CDYL: variants seen among roughly 807,000 people sequenced by gnomAD.
CDYL encodes chromodomain Y-like protein.
Under a neutral mutation model 47.3 loss-of-function variants are expected in CDYL, and 8 were observed. The observed-to-expected ratio is 0.17, with a 90% CI of 0.10 to 0.31. The LOEUF (loss-of-function observed/expected upper bound fraction) is 0.31, where lower values mean the gene tolerates loss of function less well. Ranked by LOEUF, CDYL falls within the 10% of genes least tolerant of loss-of-function variation. CDYL has a pLI of 1.00. For missense variants in CDYL, 471 were observed against 701.4 expected, an observed-to-expected ratio of 0.67 and a Z score of 3.71; for synonymous variants, 266 against 265.0, an observed-to-expected ratio of 1.00 and a Z score of -0.04.
chr6:4,745,509 G>A lies in CDYL; in HGVS notation c.186+10665G>A, dbSNP rs567678829. 4.6e-5 allele frequency among the ~76,000 whole-genome samples: 7 copies of A among 152,096 alleles called. 1 individual carries two copies. Among genetic ancestry groups the A allele is most frequent in the South Asian group, 4.2e-4 (2 of 4,808 alleles). Reference sequence around the variant, plus strand: ...CTCAGCACTTTGGGAGGCTGAGGTGGGCAGAAAAGATCACTTGAGGTCAGG... The same window carrying A: ...CTCAGCACTTTGGGAGGCTGAGGTGAGCAGAAAAGATCACTTGAGGTCAGG... On this transcript the variant is annotated intron_variant, in intron 3 of 8. Coordinates refer to the CDYL transcript ENST00000328908.
chr6:4,760,493 G>C (rs899623918), intron 3 of CDYL, among the ~76,000 whole-genome samples: 1 of 152,146 alleles, frequency 6.6e-6, no homozygotes, highest in Non-Finnish European at 1.5e-5. Flanking sequence ...AAAGACACTG[G>C]TTCATCATGG....
chr6:4,900,325 A>T (rs1756986103), intron 2 of CDYL, among the ~76,000 whole-genome samples: 1 of 152,198 alleles, frequency 6.6e-6, no homozygotes, highest in Non-Finnish European at 1.5e-5. Flanking sequence ...TTTCAAACTT[A>T]CAAGTTGCAA....
At chr6:4,796,179 T>G (rs1759068292) in intron 1 of CDYL, among the ~76,000 whole-genome samples, 1 of 152,202 alleles carries the variant, frequency 6.6e-6, no homozygotes, top group South Asian at 2.1e-4. Flanking sequence ...GTGATCCGCC[T>G]GCCTCGGCCT....
At chr6:4,833,657 A>G (rs909445664) in intron 1 of CDYL, among the ~76,000 whole-genome samples, 5 of 151,284 alleles carry the variant, frequency 3.3e-5, no homozygotes, top group South Asian at 2.1e-4. Flanking sequence ...TGATCTGTCT[A>G]ATGTTGACAG....
chr6:4,773,111 A>G, upstream of CDYL: 1 of 457,350 alleles, frequency 2.2e-6, no homozygotes, highest in East Asian at 7.0e-5. This position sits in a 1 kb window ranked among gnomAD's most constrained non-coding sequence, Gnocchi z 4.6. Flanking sequence ...GCCATCGATG[A>G]TCAATTGTTT....
rs544561748 is a variant in CDYL at position 4,713,406 on chromosome 6, A to G, written c.-38-2335A>G. ...GTGGGAAATTTCCAGATGCTAAGAG[A>G]AGGCCGCTCTGCTCTTTGTCAGGGC... On this transcript the variant is annotated intron_variant, in intron 1 of 8. Coordinates refer to the CDYL transcript ENST00000328908. 5.9e-5 allele frequency among the ~76,000 whole-genome samples: 9 copies of G among 152,174 alleles called. 1 individual carries two copies. In the South Asian group the frequency reaches 1.9e-3, roughly 32 times the overall value.
intron 2 of CDYL, among the ~76,000 whole-genome samples, chr6:4,729,096 T>C (rs1403743429): frequency 6.6e-6 from 1 of 152,086 alleles, no homozygotes; most frequent in African/African-American, 2.4e-5. Flanking sequence ...CCCAGTGTGG[T>C]AGTCAGGCAC....
chr6:4,775,917 G>A (rs1432409277), upstream of CDYL, among the ~76,000 whole-genome samples: 1 of 150,186 alleles, frequency 6.7e-6, no homozygotes, highest in African/African-American at 2.4e-5. The surrounding 1 kb of genome is among the most constrained non-coding windows in gnomAD (Gnocchi z 7.0). Context: ...GGCCGCTGCC[G>A]TCGGGGCGGT....
At chr6:4,939,284 G>C (rs911625430) in intron 4 of CDYL, among the ~76,000 whole-genome samples, 1 of 151,958 alleles carries the variant, frequency 6.6e-6, no homozygotes, top group Non-Finnish European at 1.5e-5. Flanking sequence ...TGGTGGGTAG[G>C]GGGGCTCTTT....
At chr6:4,858,937 A>G (rs1239801713) in intron 1 of CDYL, among the ~76,000 whole-genome samples, 1 of 152,164 alleles carries the variant, frequency 6.6e-6, no homozygotes, top group East Asian at 1.9e-4. Flanking sequence ...ACACTGGGCC[A>G]ATGTTACCCA....
chr6:4,773,393 C>T (rs996890053), upstream of CDYL, among the ~76,000 whole-genome samples: 1 of 152,078 alleles, frequency 6.6e-6, no homozygotes, highest in South Asian at 2.1e-4. This position sits in a 1 kb window ranked among gnomAD's most constrained non-coding sequence, Gnocchi z 4.6. Context: ...CACCCACACA[C>T]GTGGTCATGG....
intron 3 of CDYL, among the ~76,000 whole-genome samples, chr6:4,768,614 G>A (rs1296332629): frequency 1.3e-5 from 2 of 152,152 alleles, no homozygotes; most frequent in African/African-American, 4.8e-5. Context: ...GGGGAGAAGA[G>A]AGAAATCTCC....
intron 1 of CDYL, among the ~76,000 whole-genome samples, chr6:4,778,078 C>T (rs903645940): frequency 6.6e-6 from 1 of 152,042 alleles, no homozygotes; most frequent in Non-Finnish European, 1.5e-5. Context: ...AGAAAAATCT[C>T]CCTGTTCTCA....
At chr6:4,734,727 C>T (rs1561830190) in intron 2 of CDYL, 2 of 1,612,348 alleles carry the variant, frequency 1.2e-6, no homozygotes, top group Middle Eastern at 1.7e-4. Flanking sequence ...GATGGGTCCA[C>T]CTCTCTCAGA....
intron 1 of CDYL, among the ~76,000 whole-genome samples, chr6:4,846,736 G>A (rs769322163): frequency 3.3e-5 from 5 of 151,682 alleles, no homozygotes; most frequent in African/African-American, 4.8e-5. Flanking sequence ...ACTCAAACTG[G>A]CTTATTTTAA....
At chr6:4,871,016 T>C (rs1430810653) in intron 1 of CDYL, among the ~76,000 whole-genome samples, 4 of 152,226 alleles carry the variant, frequency 2.6e-5, no homozygotes, top group Non-Finnish European at 5.9e-5. Flanking sequence ...CTAATTTGAG[T>C]ATGACTCATG....
intron 1 of CDYL, among the ~76,000 whole-genome samples, chr6:4,833,323 G>T (rs1172668597): frequency 8.0e-5 from 12 of 150,196 alleles, no homozygotes; most frequent in Non-Finnish European, 1.5e-4. Flanking sequence ...CCTTCATTTC[G>T]TTATGTCCCC....
intron 2 of CDYL, among the ~76,000 whole-genome samples, chr6:4,729,526 G>A (rs554030820): frequency 6.6e-6 from 1 of 151,820 alleles, no homozygotes; most frequent in Admixed American, 6.6e-5. Context: ...ATGGATCCGA[G>A]AAGTCCTCAC....
In CDYL at chr6:4,953,983, A is replaced by G; in HGVS notation, c.1562A>G (p.Lys521Arg). ...QANERECEVL[K>R]KIWGSAQGMD... is the part of the protein sequence containing the mutation. The stretch of plus-strand genomic sequence containing the variant: ...AACGAGAGGGAGTGTGAGGTGCTGA[A>G]GAAAATCTGGGGCTCGGCCCAGGGG... Residue 521 changes from lysine to arginine, a missense_variant, in exon 7 of 7, where the codon AAG becomes AGG. Lys to Arg is a conservative substitution (Grantham distance 26, BLOSUM62 2). Transcript: ENST00000397588. 6.2e-7 allele frequency: 1 copy of G among 1,614,140 alleles called. No homozygotes were observed. The highest frequency in any genetic ancestry group is 8.5e-7 in the Non-Finnish European group (1 of 1,180,032).
Sources: allele counts gnomAD v4.1 joint callset (sites outside exome capture counted in the v4.1 genomes callset), GRCh38; gene constraint gnomAD v4.1.1; non-coding constraint Gnocchi (gnomAD v3.1); transcripts MANE v1.5; gene names NCBI Gene and HGNC (gene_info 2026-07-23, HGNC 2026-07-21).